The following TENM2 variants were observed in gnomAD, a reference collection of about 807,000 sequenced individuals.
TENM2 encodes teneurin transmembrane protein 2.
A neutral mutation model predicts 245.2 loss-of-function variants in TENM2; 52 were observed. That is an observed-to-expected ratio of 0.21 (90% CI 0.17 to 0.27). The LOEUF is 0.27. TENM2 is among the 10% of genes least tolerant of loss of function. The pLI is 1.00. For missense variants in TENM2, 3,046 were observed against 3,666.8 expected (o/e 0.83, Z 4.37); for synonymous variants, 1,363 against 1,438.9 (o/e 0.95, Z 1.19).
chr5:167,525,086 C>A (rs1294647443), intron 2 of TENM2, among the ~76,000 whole-genome samples: 2 of 151,838 alleles, frequency 1.3e-5, no homozygotes, highest in African/African-American at 4.8e-5. Flanking sequence ...GTTGATCTTC[C>A]CAAACTGTGT....
chr5:167,627,693 G>A (rs1056692949), intron 2 of TENM2, among the ~76,000 whole-genome samples: 1 of 151,916 alleles, frequency 6.6e-6, no homozygotes, highest in African/African-American at 2.4e-5. Flanking sequence ...AAGTAGCTGG[G>A]ACTATAGGTG....
At chr5:167,594,312 A>G (rs1251707923) in intron 2 of TENM2, among the ~76,000 whole-genome samples, 3 of 152,218 alleles carry the variant, frequency 2.0e-5, no homozygotes, top group Admixed American at 6.5e-5. Context: ...TAAATGCAAT[A>G]TGTGAGATGC....
At chr5:167,630,237 T>C (rs1160227856) in intron 2 of TENM2, among the ~76,000 whole-genome samples, 2 of 151,912 alleles carry the variant, frequency 1.3e-5, no homozygotes, top group African/African-American at 2.4e-5. Flanking sequence ...GCATCACAAC[T>C]CTTGTGCTTT....
chr5:167,319,057 C>A (rs1447798792), intron 1 of TENM2, among the ~76,000 whole-genome samples: 6 of 152,060 alleles, frequency 3.9e-5, no homozygotes, highest in Non-Finnish European at 5.9e-5. Context: ...ATCTGTTTAT[C>A]AATTGATATA....
In TENM2 at chr5:168,260,242, A is replaced by T. The variant is rs745743397; in HGVS notation, c.7433-41A>T. 8 of 1,611,342 alleles carry T rather than the reference A, an allele frequency of 5.0e-6. No homozygotes were observed. In the South Asian group the frequency reaches 8.8e-5, roughly 18 times the overall value. On this transcript the variant is annotated intron_variant, in intron 27 of 28. Coordinates refer to ENST00000518659, the Ensembl canonical transcript of TENM2. ...TAAGCTCTGCTGCTGCTCTCCATCC[A>T]TCATGATTTCAGAAACCTTTATTTT...
chr5:167,083,420 C>A, the TENM2 span, among the ~76,000 whole-genome samples: 2 of 152,264 alleles, frequency 1.3e-5, no homozygotes, highest in East Asian at 3.9e-4. Context: ...AATAGTTTTT[C>A]TGGATGAATG....
At chr5:167,183,251 C>T in the TENM2 span, among the ~76,000 whole-genome samples, 1 of 152,048 alleles carries the variant, frequency 6.6e-6, no homozygotes, top group East Asian at 1.9e-4. Context: ...TCATATTGGT[C>T]CTGACTCCAC....
chr5:167,378,015 G>T (rs538985525), intron 2 of TENM2, among the ~76,000 whole-genome samples: 1 of 151,910 alleles, frequency 6.6e-6, no homozygotes, highest in African/African-American at 2.4e-5. Flanking sequence ...AAGATACATG[G>T]TCAGAAAATG....
At chr5:167,114,589 A>C in the TENM2 span, among the ~76,000 whole-genome samples, 1 of 152,242 alleles carries the variant, frequency 6.6e-6, no homozygotes, top group Non-Finnish European at 1.5e-5. Flanking sequence ...TGAAAAAAGT[A>C]CTCATTAAAT....
At chr5:167,074,631 G>A in the TENM2 span, among the ~76,000 whole-genome samples, 2 of 152,218 alleles carry the variant, frequency 1.3e-5, no homozygotes, top group African/African-American at 4.8e-5. Flanking sequence ...GCTCCATTTT[G>A]ATGGCGAAGT....
At chr5:168,198,352 T>C (rs1157170365) in intron 15 of TENM2, among the ~76,000 whole-genome samples, 2 of 151,988 alleles carry the variant, frequency 1.3e-5, no homozygotes, top group Non-Finnish European at 2.9e-5. Context: ...CCCACCACCA[T>C]GCCTGGCTAA....
At chr5:167,179,582 C>T in the TENM2 span, among the ~76,000 whole-genome samples, 41 of 152,172 alleles carry the variant, frequency 2.7e-4, no homozygotes, top group Admixed American at 1.6e-3. Flanking sequence ...TGAGCCCCAC[C>T]CCCGCAACCC....
At chr5:167,138,203 G>T in the TENM2 span, among the ~76,000 whole-genome samples, 1 of 152,172 alleles carries the variant, frequency 6.6e-6, no homozygotes, top group Non-Finnish European at 1.5e-5. Flanking sequence ...TCAAACAAGT[G>T]TTTACCGATG....
intron 2 of TENM2, among the ~76,000 whole-genome samples, chr5:167,647,419 T>G (rs970171259): frequency 2.0e-5 from 3 of 151,746 alleles, no homozygotes; most frequent in Admixed American, 2.0e-4. Flanking sequence ...GGTCGGGAGT[T>G]CGAGATAAGC....
intron 2 of TENM2, among the ~76,000 whole-genome samples, chr5:167,558,802 T>C (rs1351860322): frequency 6.6e-6 from 1 of 150,642 alleles, no homozygotes; most frequent in African/African-American, 2.5e-5. Context: ...ACCACCACCA[T>C]CCACTGGGTC....
chr5:167,289,145 T>C (rs1754496401), intron 1 of TENM2, among the ~76,000 whole-genome samples: 1 of 152,172 alleles, frequency 6.6e-6, no homozygotes, highest in South Asian at 2.1e-4. Context: ...AGGAAAACGT[T>C]TCGACTGTAG....
chr5:167,537,329 G>GGAA (rs1771921123), intron 2 of TENM2, among the ~76,000 whole-genome samples: 1 of 151,440 alleles, frequency 6.6e-6, no homozygotes, highest in South Asian at 2.1e-4. Flanking sequence ...AATGGTGTCA[G>GGAA]GAATAAATAA....
intron 3 of TENM2, among the ~76,000 whole-genome samples, chr5:167,930,278 T>G (rs1281758144): frequency 6.6e-6 from 1 of 152,184 alleles, no homozygotes; most frequent in Non-Finnish European, 1.5e-5. Flanking sequence ...ATTATTTTTT[T>G]TAATCAAGGT....
the TENM2 span, among the ~76,000 whole-genome samples, chr5:167,155,008 A>G: frequency 6.6e-6 from 1 of 152,230 alleles, no homozygotes; most frequent in Non-Finnish European, 1.5e-5. Context: ...TAATTACATC[A>G]TAACTACCTT....
Sources: gnomAD v4.1 joint callset for allele counts (sites outside exome capture counted in the v4.1 genomes callset) on GRCh38, gnomAD v4.1.1 for gene constraint, MANE v1.5 for transcripts, NCBI Gene and HGNC (gene_info 2026-07-23, HGNC 2026-07-21) for gene names.